Variants in PIR observed in about 807,000 individuals in gnomAD.
PIR encodes the protein pirin (iron-binding nuclear protein).
In PIR, 22 loss-of-function variants were observed where a neutral mutation model predicts 24.2. That is an observed-to-expected ratio of 0.91 (90% confidence interval 0.65 to 1.30). The LOEUF (loss-of-function observed/expected upper bound fraction) is 1.30, where lower values mean the gene tolerates loss of function less well. PIR is among the 50% of genes most tolerant of loss of function. PIR has a pLI of 0.00. For missense variants in PIR, 220 were observed against 220.3 expected (o/e 1.00, Z 0.01); for synonymous variants, 80 against 79.6 (o/e 1.00, Z -0.03).
chrX:15,484,306 CT>C (rs1193474348), intron 2 of PIR, among the ~76,000 whole-genome samples: 30,339 of 66,995 alleles, frequency 0.45, 4,569 homozygotes, highest in East Asian at 0.51. Flanking sequence ...TCTCAATTTT[CT>C]TTTTTTTTTT....
chrX:15,418,076 T>C (rs185427530), intron 6 of PIR, among the ~76,000 whole-genome samples: 46 of 112,081 alleles, frequency 4.1e-4, no homozygotes, highest in African/African-American at 1.4e-3. Flanking sequence ...GATCTACATA[T>C]ACTGTAAAGG....
At chrX:15,396,544 G>T (rs1200418775) in intron 8 of PIR, among the ~76,000 whole-genome samples, 1 of 110,708 alleles carries the variant, frequency 9.0e-6, no homozygotes, top group Non-Finnish European at 1.9e-5. Flanking sequence ...AAAGCAGTCA[G>T]ATTGACTAAA....
At position 15,425,934 on chromosome X, in the gene PIR, T is replaced by C. The variant is rs1167036528; in HGVS notation, c.537A>G (p.Gly179=). 2 of 1,195,856 alleles carry C rather than the reference T, an allele frequency of 1.7e-6. No homozygotes were observed. Among genetic ancestry groups the C allele is most frequent in the Non-Finnish European group, 2.3e-6 (2 of 881,140 alleles). The change falls in exon 6 of 10, where the codon GGA becomes GGG. Residue 179 remains glycine (G), a synonymous_variant. Transcript: ENST00000380420. ...TLYLDFKLDP[G]AKHSQPIPKG... is the part of the protein sequence containing the mutation. ...TAGGGATAGGTTGGGAATGTTTGGC[T>C]CCTGGGTCCAATTTGAAGTCCAAAT...
At position 15,413,492 on chromosome X, in the gene PIR, G is replaced by A. The variant is rs146352993; in HGVS notation, c.566-5942C>T. On this transcript the variant is annotated intron_variant, in intron 6 of 9. Transcript: ENST00000380420. ...AGACTAGAATTGGTGACATAAGTTG[G>A]GTTGTCTGATCATACAGCAAGTAAC... Among the ~76,000 whole-genome samples, 267 of 111,731 alleles carry A rather than the reference G, an allele frequency of 2.4e-3. 6 individuals are homozygous for A. The highest frequency in any genetic ancestry group is 9.6e-4 in the Non-Finnish European group (51 of 53,182).
intron 3 of PIR, among the ~76,000 whole-genome samples, chrX:15,463,897 AT>A (rs1274185255): frequency 8.9e-6 from 1 of 112,570 alleles, no homozygotes; most frequent in Non-Finnish European, 1.9e-5. Flanking sequence ...TGCAAATAGT[AT>A]ACTTCTGAGA....
chrX:15,459,057 G>A (rs1230335243), intron 4 of PIR, among the ~76,000 whole-genome samples: 2 of 111,926 alleles, frequency 1.8e-5, no homozygotes, highest in African/African-American at 3.3e-5. Flanking sequence ...ATAGAGTTTC[G>A]ACTTACAAAA....
At chrX:15,389,392 G>A (rs973350532) in intron 9 of PIR, among the ~76,000 whole-genome samples, 2 of 111,796 alleles carry the variant, frequency 1.8e-5, no homozygotes, top group African/African-American at 3.2e-5. Flanking sequence ...AAAGCAATCC[G>A]TGTTCTTTAA....
intron 5 of PIR, among the ~76,000 whole-genome samples, chrX:15,442,776 G>A (rs1401005993): frequency 2.7e-5 from 3 of 112,298 alleles, no homozygotes; most frequent in Non-Finnish European, 5.6e-5. Context: ...TCACTTCTGT[G>A]AAGGCTGAGA....
intron 6 of PIR, among the ~76,000 whole-genome samples, chrX:15,421,516 A>T (rs1042400039): frequency 9.0e-6 from 1 of 111,317 alleles, no homozygotes; most frequent in Non-Finnish European, 1.9e-5. Context: ...ATGAACAACT[A>T]TATGCCAAGA....
In PIR at chrX:15,455,835, T is replaced by C. The variant is rs747767055; in HGVS notation, c.480+13A>G. The C allele has an allele frequency of 8.5e-6, 10 of 1,182,223 alleles. No individual in the cohort carries two copies. The highest frequency in any genetic ancestry group is 1.1e-5 in the Non-Finnish European group (10 of 869,732). On this transcript the variant is annotated intron_variant, in intron 5 of 9. Transcript: ENST00000380420. ...CATGCCTCAGGTTAAATAGACACAATAGCCTGGCTTACCTTTATTCCCAGG... is the reference window on the plus strand; with the variant it reads ...CATGCCTCAGGTTAAATAGACACAACAGCCTGGCTTACCTTTATTCCCAGG...
chrX:15,435,498 G>A (rs1925723929), intron 5 of PIR, among the ~76,000 whole-genome samples: 1 of 111,888 alleles, frequency 8.9e-6, no homozygotes, highest in Non-Finnish European at 1.9e-5. Flanking sequence ...CCTCAATGGG[G>A]AAAACCAAGT....
intron 6 of PIR, among the ~76,000 whole-genome samples, chrX:15,425,270 A>G (rs1250283321): frequency 9.1e-6 from 1 of 110,101 alleles, no homozygotes; most frequent in Non-Finnish European, 1.9e-5. Context: ...TCCTTGCCCT[A>G]CCTCATCCAG....
intron 9 of PIR, 68 bp from the exon 10 acceptor site, chrX:15,385,184 T>C (rs955228754): frequency 1.7e-5 from 9 of 515,866 alleles, no homozygotes; most frequent in Non-Finnish European, 2.9e-5. Flanking sequence ...AGAAATGATA[T>C]ATATTTCTGT....
rs781507347 is a variant in PIR, at chrX:15,475,840, C to T, written c.189+3889G>A. Among the ~76,000 whole-genome samples, 14 of 112,148 alleles carry T rather than the reference C, an allele frequency of 1.2e-4. No individual in the cohort carries two copies. In the South Asian group the frequency reaches 4.4e-3, roughly 35 times the overall value. ...GAAAACAAACTCCTGGTAGGAAAAA[C>T]TGAATGCATTTCTCCTTTTGTGTTG... On this transcript the variant is annotated intron_variant, in intron 3 of 9. Coordinates refer to ENST00000380420, the MANE Select transcript of PIR (RefSeq NM_001018109.3).
At chrX:15,490,712 C>T (rs761682291) in intron 2 of PIR, among the ~76,000 whole-genome samples, 10 of 112,169 alleles carry the variant, frequency 8.9e-5, no homozygotes, top group Non-Finnish European at 1.3e-4. Flanking sequence ...TCCTTGGCAA[C>T]GGCAGATTGG....
Position 15,424,443 on chromosome X carries a change from C to A in PIR, c.565+1463G>T, listed in dbSNP as rs371410996. 5.4e-3 allele frequency among the ~76,000 whole-genome samples: 506 copies of A among 93,256 alleles called. 5 individuals carry two copies. The highest frequency in any genetic ancestry group is 0.018 in the African/African-American group (483 of 27,033). 81.0% of individuals were successfully genotyped at this position (93,256 alleles called of 115,157 possible). On this transcript the variant is annotated intron_variant, in intron 6 of 9. Coordinates refer to ENST00000380420, the MANE Select transcript of PIR (RefSeq NM_001018109.3). ...ATAAAGAGAGATTGATTAATGAGTA[C>A]AAATATACAATTTAATAGAAGAAAT...
intron 9 of PIR, among the ~76,000 whole-genome samples, chrX:15,386,758 C>T (rs373400948): frequency 5.4e-5 from 6 of 110,117 alleles, no homozygotes; most frequent in South Asian, 7.8e-4. Flanking sequence ...GGATCAAAGG[C>T]GGAAAAAATG....
chrX:15,413,397 G>A (rs769039367), intron 6 of PIR, among the ~76,000 whole-genome samples: 1 of 111,306 alleles, frequency 9.0e-6, no homozygotes, highest in East Asian at 2.8e-4. Context: ...TTTTTGCGAC[G>A]TCTCCCAAAA....
intron 9 of PIR, among the ~76,000 whole-genome samples, chrX:15,388,258 G>A (rs752657065): frequency 1.8e-5 from 2 of 112,150 alleles, no homozygotes; most frequent in Non-Finnish European, 3.8e-5. Context: ...ATAGTGGAGC[G>A]AACATAAGAC....
Sources: allele counts gnomAD v4.1 joint callset (sites outside exome capture counted in the v4.1 genomes callset), GRCh38; gene constraint gnomAD v4.1.1; transcripts MANE v1.5; gene names NCBI Gene and HGNC (gene_info 2026-07-23, HGNC 2026-07-21).